Variants in VRK3 observed in about 807,000 individuals in gnomAD.
VRK3 encodes the protein serine/threonine-protein kinase VRK3.
VRK3 carries 50 observed loss-of-function variants against 60.4 expected under a neutral mutation model. The observed-to-expected ratio is 0.83, with a 90% CI of 0.66 to 1.05. The LOEUF (loss-of-function observed/expected upper bound fraction) is 1.05, where lower values mean the gene tolerates loss of function less well. Among genes scored for constraint, VRK3 ranks in the 50% least tolerant of loss-of-function variants. The pLI, the probability that VRK3 is intolerant of heterozygous loss-of-function variation, is 0.00. For missense variants in VRK3, 549 were observed against 585.3 expected (o/e 0.94, Z 0.64); for synonymous variants, 246 against 227.8 (o/e 1.08, Z -0.72).
Position 49,997,984 on chromosome 19 carries a change from G to A in VRK3, c.613-414C>T, listed in dbSNP as rs78555320. 1,448 of 155,228 alleles carry A rather than the reference G, an allele frequency of 9.3e-3. 79 individuals carry two copies. In the South Asian group the frequency reaches 0.11, roughly 12 times the overall value. The allele number at this position is 155,228 out of a possible 1,614,324, so 9.6% of individuals were successfully genotyped here. A position where few individuals can be genotyped will look rare whatever the true frequency, so the allele number is the denominator to read the frequency against. On this transcript the variant is annotated intron_variant, in intron 6 of 14. Coordinates refer to ENST00000316763, the MANE Select transcript of VRK3 (RefSeq NM_016440.4). ...CTCTTCTGTTCCAGCTGGCTGCAACGCAGATGTGATGGTGGAAGCTGAAGC... is the reference window on the plus strand; with the variant it reads ...CTCTTCTGTTCCAGCTGGCTGCAACACAGATGTGATGGTGGAAGCTGAAGC...
intron 5 of VRK3, among the ~76,000 whole-genome samples, chr19:50,003,374 T>A (rs1384951842): frequency 2.6e-5 from 4 of 152,206 alleles, no homozygotes; most frequent in Non-Finnish European, 1.5e-5. Flanking sequence ...CACAGGAAAC[T>A]AACACAAGCC....
chr19:49,981,032 A>G lies in VRK3; in HGVS notation c.1218-19T>C. On this transcript the variant is annotated intron_variant, in intron 12 of 14. Transcript: ENST00000316763. ...AACAAACCTGAAGGGACAGAAACAC[A>G]TGTGAAAGGTCTCTTAGGGAAAGGA... The G allele has an allele frequency of 3.7e-6, 6 of 1,610,998 alleles. 1 individual carries two copies. In the South Asian group the frequency reaches 5.5e-5, roughly 15 times the overall value.
chr19:49,988,137 C>T lies in VRK3; in HGVS notation c.1217+235G>A, dbSNP rs1052565306. ...GGAGCAGGACACTGAGGCTCGCAGACGTTAACACCCCACAGTGGTGGTGCC... is the reference window on the plus strand; with the variant it reads ...GGAGCAGGACACTGAGGCTCGCAGATGTTAACACCCCACAGTGGTGGTGCC... On this transcript the variant is annotated intron_variant, in intron 12 of 14. Coordinates refer to ENST00000316763, the MANE Select transcript of VRK3 (RefSeq NM_016440.4). 1.3e-4 allele frequency: 58 copies of T among 433,658 alleles called. No individual in the cohort carries two copies. The Admixed American group carries it at 1.7e-3, about 13-fold the overall frequency. 26.9% of individuals were successfully genotyped at this position (433,658 alleles called of 1,614,324 possible).
intron 14 of VRK3, among the ~76,000 whole-genome samples, chr19:49,978,117 A>T (rs1036795325): frequency 6.6e-6 from 1 of 151,998 alleles, no homozygotes; most frequent in African/African-American, 2.4e-5. Flanking sequence ...GGGCCGGGGG[A>T]TTCTTTGTGG....
chr19:49,993,134 G>A (rs1427745872), intron 9 of VRK3, among the ~76,000 whole-genome samples, 182 bp from the exon 10 acceptor site: 1 of 152,182 alleles, frequency 6.6e-6, no homozygotes, highest in East Asian at 1.9e-4. Context: ...CATTGAGCAC[G>A]CCTCTAATCA....
intron 5 of VRK3, 102 bp from the exon 6 acceptor site, chr19:50,000,956 TTC>T: frequency 8.7e-7 from 1 of 1,148,242 alleles, no homozygotes; most frequent in Non-Finnish European, 1.2e-6. Flanking sequence ...GGTGCCCTGG[TTC>T]CAACAAGGTC....
chr19:50,016,906 T>TA (rs2077087849), intron 2 of VRK3, among the ~76,000 whole-genome samples: 1 of 133,278 alleles, frequency 7.5e-6, no homozygotes, highest in Non-Finnish European at 1.5e-5. Context: ...CAAAGAGCAA[T>TA]ACGCCGGGTG....
chr19:50,010,518 C>T (rs1426337812), intron 3 of VRK3, among the ~76,000 whole-genome samples: 1 of 152,246 alleles, frequency 6.6e-6, no homozygotes, highest in Non-Finnish European at 1.5e-5. Flanking sequence ...ACCCACATCT[C>T]ACCACTTTAA....
rs549174074 is a variant in VRK3 at position 50,007,455 on chromosome 19, G to A, written c.547+114C>T. The A allele has an allele frequency of 5.1e-5, 76 of 1,485,924 alleles. No homozygotes were observed. The Middle Eastern group carries it at 9.5e-4, about 19-fold the overall frequency. The allele number at this position is 1,485,924 out of a possible 1,614,324, so 92.0% of individuals were successfully genotyped here. ...AAGGTCTAAGAGAAAGTTGCCTAGCGACAGGTCTGCAGCTAGGGATGTGGC... is the reference window on the plus strand; with the variant it reads ...AAGGTCTAAGAGAAAGTTGCCTAGCAACAGGTCTGCAGCTAGGGATGTGGC... On this transcript the variant is annotated intron_variant, in intron 5 of 14. Transcript: ENST00000316763.
chr19:50,016,816 G>A (rs1179789400), intron 2 of VRK3, among the ~76,000 whole-genome samples: 1 of 151,792 alleles, frequency 6.6e-6, no homozygotes. Context: ...AGTGAAGAAG[G>A]GAAATTAACA....
In VRK3 at chr19:49,979,128, G is replaced by A. The variant is rs759726431; in HGVS notation, c.1391C>T (p.Pro464Leu). ...EALLQDLRVS[P>L]YDPIGLPMVP ...CATCGGGAGGCCAATGGGGTCATAT[G>A]GAGACACACGCAGATCCTGCAGCAA... Residue 464 changes from proline (P) to leucine (L), a missense_variant, in exon 14 of 15, where the codon CCA (proline) becomes CTA (leucine). Pro to Leu is a moderately conservative substitution (Grantham distance 98, BLOSUM62 -3). Coordinates refer to ENST00000316763, the MANE Select transcript of VRK3 (RefSeq NM_016440.4). The A allele has an allele frequency of 6.2e-7, 1 of 1,613,700 alleles. No homozygotes were observed. Among genetic ancestry groups the A allele is most frequent in the Non-Finnish European group, 8.5e-7 (1 of 1,179,802 alleles).
At chr19:49,985,640 A>G (rs2076500604) in intron 12 of VRK3, among the ~76,000 whole-genome samples, 1 of 152,110 alleles carries the variant, frequency 6.6e-6, no homozygotes, top group Non-Finnish European at 1.5e-5. Context: ...CCTCTGACAC[A>G]CCATGTGTTT....
chr19:50,018,404 T>A (rs1034448369), intron 2 of VRK3, among the ~76,000 whole-genome samples: 1 of 152,218 alleles, frequency 6.6e-6, no homozygotes, highest in South Asian at 2.1e-4. Context: ...TTTGAAATTA[T>A]AGAGCTTGTC....
In VRK3 at chr19:49,987,498, C is replaced by T. The variant is rs76691827; in HGVS notation, c.1217+874G>A. ...CACCCCAGAACTTCCTCATATGTTC[C>T]GCTGTCCACCGGCTTTGGTGCTGAA... is the stretch of plus-strand genomic sequence containing the variant. On this transcript the variant is annotated intron_variant, in intron 12 of 14. Coordinates refer to ENST00000316763, the MANE Select transcript of VRK3 (RefSeq NM_016440.4). 1.4e-4 allele frequency among the ~76,000 whole-genome samples: 21 copies of T among 152,294 alleles called. No homozygotes were observed. The East Asian group carries it at 3.7e-3, about 27-fold the overall frequency.
intron 6 of VRK3, chr19:49,999,015 T>A (rs1437987009): frequency 6.9e-6 from 1 of 143,982 alleles, no homozygotes; most frequent in Non-Finnish European, 1.5e-5. Flanking sequence ...CCCAGCTACT[T>A]GGGAGGCTAA....
At chr19:50,000,678 G>T in intron 6 of VRK3, 112 bp downstream of exon 6, 1 of 1,291,130 alleles carries the variant, frequency 7.7e-7, no homozygotes, top group East Asian at 2.5e-5. Flanking sequence ...TGCAGGTGGG[G>T]ACCCTGGCCC....
chr19:49,992,960 A>G lies in VRK3; in HGVS notation c.871-8T>C. On this transcript the variant is annotated splice_polypyrimidine_tract_variant and splice_region_variant and intron_variant, in intron 9 of 14. Coordinates refer to ENST00000316763, the MANE Select transcript of VRK3 (RefSeq NM_016440.4). ...GAACTCCAGGGCATCCAGCTGGGGGAAGAAGCAAGTCAGTGTCTGCATGAG... is the reference window on the plus strand; with the variant it reads ...GAACTCCAGGGCATCCAGCTGGGGGGAGAAGCAAGTCAGTGTCTGCATGAG... 2 of 1,609,968 alleles carry G rather than the reference A, an allele frequency of 1.2e-6. No homozygotes were observed. The highest frequency in any genetic ancestry group is 1.7e-6 in the Non-Finnish European group (2 of 1,179,716).
At chr19:49,983,863 G>A (rs2076466520) in intron 12 of VRK3, among the ~76,000 whole-genome samples, 3 of 152,158 alleles carry the variant, frequency 2.0e-5, no homozygotes, top group South Asian at 2.1e-4. Context: ...ACTATGGGCT[G>A]GGGGTGAGGA....
chr19:49,992,749 TG>T, intron 10 of VRK3, 110 bp downstream of exon 10: 1 of 961,368 alleles, frequency 1.0e-6, no homozygotes, highest in Non-Finnish European at 1.6e-6. Flanking sequence ...TTATATATGA[TG>T]GACAGCAATC....
Sources: gnomAD v4.1 joint callset for allele counts (sites outside exome capture counted in the v4.1 genomes callset) on GRCh38, gnomAD v4.1.1 for gene constraint, MANE v1.5 for transcripts, NCBI Gene and HGNC (gene_info 2026-07-23, HGNC 2026-07-21) for gene names.